Variants in PDE1A observed in about 807,000 individuals in gnomAD.
The protein encoded by PDE1A is phosphodiesterase 1A.
A neutral mutation model predicts 61.7 loss-of-function variants in PDE1A; 35 were observed. The observed-to-expected ratio is 0.57, with a 90% CI of 0.43 to 0.75. PDE1A has a LOEUF of 0.75. PDE1A is among the 30% of genes least tolerant of loss of function. The pLI is 0.00. For missense variants in PDE1A, 597 were observed against 630.6 expected (o/e 0.95, Z 0.57); for synonymous variants, 232 against 213.2 (o/e 1.09, Z -0.77).
intron 2 of PDE1A, among the ~76,000 whole-genome samples, chr2:182,448,608 T>C (rs1685295990): frequency 6.6e-6 from 1 of 152,104 alleles, no homozygotes; most frequent in South Asian, 2.1e-4. Context: ...TCTTTCCACA[T>C]TATATCCAAA....
At chr2:182,472,521 C>T (rs375671394) in intron 2 of PDE1A, among the ~76,000 whole-genome samples, 2 of 151,870 alleles carry the variant, frequency 1.3e-5, no homozygotes, top group East Asian at 3.9e-4. Flanking sequence ...CACATTGAAG[C>T]AGTGTGTGGA....
At chr2:182,570,089 G>C in the PDE1A span, among the ~76,000 whole-genome samples, 1 of 152,070 alleles carries the variant, frequency 6.6e-6, no homozygotes, top group Admixed American at 6.6e-5. Flanking sequence ...CTGGGGTTTG[G>C]GGACACAAAA....
intron 1 of PDE1A, among the ~76,000 whole-genome samples, chr2:182,414,054 A>G (rs2125538805): frequency 6.6e-6 from 1 of 152,274 alleles, no homozygotes; most frequent in Non-Finnish European, 1.5e-5. Context: ...CACTCAGAAT[A>G]GAGTTGAGAT....
chr2:182,685,853 C>A, the PDE1A span, among the ~76,000 whole-genome samples: 8 of 152,188 alleles, frequency 5.3e-5, no homozygotes, highest in Non-Finnish European at 5.9e-5. Context: ...CAAAAGTCTC[C>A]TCTGCTAATT....
chr2:182,197,534 G>C (rs1304029570), intron 10 of PDE1A, among the ~76,000 whole-genome samples: 2 of 150,588 alleles, frequency 1.3e-5, no homozygotes, highest in Admixed American at 1.3e-4. Flanking sequence ...ATAGTTTTAG[G>C]TTTTGTCTTA....
At chr2:182,652,709 T>A in the PDE1A span, among the ~76,000 whole-genome samples, 1 of 152,152 alleles carries the variant, frequency 6.6e-6, no homozygotes, top group African/African-American at 2.4e-5. Flanking sequence ...AAAAGCTTCA[T>A]ATACAACAGT....
At chr2:182,498,181 A>T (rs1183335799) in intron 2 of PDE1A, among the ~76,000 whole-genome samples, 1 of 152,144 alleles carries the variant, frequency 6.6e-6, no homozygotes, top group African/African-American at 2.4e-5. Flanking sequence ...AAGAATCACC[A>T]AACCTCTGAG....
the PDE1A span, among the ~76,000 whole-genome samples, chr2:182,656,230 T>C: frequency 6.6e-6 from 1 of 152,208 alleles, no homozygotes; most frequent in Non-Finnish European, 1.5e-5. Flanking sequence ...CACATCAGTT[T>C]TCTTCCAAAA....
At chr2:182,297,051 C>T (rs1369118210) in intron 1 of PDE1A, among the ~76,000 whole-genome samples, 1 of 152,134 alleles carries the variant, frequency 6.6e-6, no homozygotes, top group African/African-American at 2.4e-5. Flanking sequence ...GATCTTGGGA[C>T]TTCTCAGCCT....
At chr2:182,597,171 T>A in the PDE1A span, among the ~76,000 whole-genome samples, 95 of 141,496 alleles carry the variant, frequency 6.7e-4, no homozygotes, top group South Asian at 2.5e-3. Flanking sequence ...AAAAAAAAAA[T>A]TTTTTTTTTA....
At chr2:182,480,374 G>A (rs1358729229) in intron 2 of PDE1A, among the ~76,000 whole-genome samples, 1 of 151,880 alleles carries the variant, frequency 6.6e-6, no homozygotes, top group Non-Finnish European at 1.5e-5. Flanking sequence ...AAAGTTCAGA[G>A]AGCCCAGCCT....
intron 1 of PDE1A, among the ~76,000 whole-genome samples, chr2:182,369,889 C>T (rs1700032561): frequency 2.0e-5 from 3 of 152,234 alleles, no homozygotes; most frequent in Non-Finnish European, 2.9e-5. Context: ...AAAGGAGTTT[C>T]ATTGGCTGGG....
At chr2:182,399,376 T>C (rs1328620725) in intron 1 of PDE1A, among the ~76,000 whole-genome samples, 1 of 151,916 alleles carries the variant, frequency 6.6e-6, no homozygotes, top group Non-Finnish European at 1.5e-5. Flanking sequence ...TGACCCCTTT[T>C]AGTTAAATCC....
At chr2:182,198,729 A>C (rs57524661) in intron 10 of PDE1A, among the ~76,000 whole-genome samples, 35,192 of 151,694 alleles carry the variant, frequency 0.23, 4,335 homozygotes, top group East Asian at 0.31. Flanking sequence ...AAATTTTAAA[A>C]ATTAAAAAAA....
chr2:182,526,657 T>A (rs1371707876), upstream of PDE1A, among the ~76,000 whole-genome samples: 2 of 152,158 alleles, frequency 1.3e-5, no homozygotes, highest in African/African-American at 4.8e-5. Flanking sequence ...ACTACCAGCT[T>A]TGTCTGAGAA....
chr2:182,288,562 C>A (rs1694317019), intron 1 of PDE1A, among the ~76,000 whole-genome samples: 1 of 152,130 alleles, frequency 6.6e-6, no homozygotes, highest in Admixed American at 6.6e-5. Flanking sequence ...TCATGGCCAG[C>A]AATTCAATAC....
chr2:182,464,491 C>T (rs998094343), intron 2 of PDE1A, among the ~76,000 whole-genome samples: 2 of 151,998 alleles, frequency 1.3e-5, no homozygotes, highest in Non-Finnish European at 2.9e-5. Flanking sequence ...TTTTGGCCAC[C>T]CTATCTAAAA....
At chr2:182,182,120 A>G (rs892502678) in intron 13 of PDE1A, among the ~76,000 whole-genome samples, 3 of 152,184 alleles carry the variant, frequency 2.0e-5, no homozygotes, top group Middle Eastern at 3.2e-3. Context: ...AAAAATACAG[A>G]AGCAAAATTG....
At chr2:182,338,798 A>T (rs781057532) in intron 1 of PDE1A, among the ~76,000 whole-genome samples, 1 of 152,188 alleles carries the variant, frequency 6.6e-6, no homozygotes, top group Non-Finnish European at 1.5e-5. Context: ...CTGGGATTAC[A>T]GGTGTGACCC....
Sources: gnomAD v4.1 joint callset for allele counts (sites outside exome capture counted in the v4.1 genomes callset) on GRCh38, gnomAD v4.1.1 for gene constraint, MANE v1.5 for transcripts, NCBI Gene and HGNC (gene_info 2026-07-23, HGNC 2026-07-21) for gene names.